Variants in GAREM1 observed in about 807,000 individuals in gnomAD.
The protein encoded by GAREM1 is GRB2-associated and regulator of MAPK protein 1.
In GAREM1, 26 loss-of-function variants were observed where a neutral mutation model predicts 71.3. The observed-to-expected ratio is 0.36, with a 90% confidence interval of 0.27 to 0.51. The LOEUF (loss-of-function observed/expected upper bound fraction) is 0.51, where lower values mean the gene tolerates loss of function less well. GAREM1 is among the 20% of genes least tolerant of loss of function. The pLI is 0.95. For synonymous variants in GAREM1, 440 were observed against 433.2 expected (o/e 1.02, Z -0.20); for missense variants, 1,026 against 1,103.1 (o/e 0.93, Z 0.99).
At chr18:32,315,650 G>C (rs2047371604) in intron 2 of GAREM1, among the ~76,000 whole-genome samples, 1 of 151,812 alleles carries the variant, frequency 6.6e-6, no homozygotes. Flanking sequence ...GCTCCATGTG[G>C]CTACTGGCTG....
At chr18:32,466,279 G>C (rs770472123) in intron 1 of GAREM1, among the ~76,000 whole-genome samples, 5 of 148,806 alleles carry the variant, frequency 3.4e-5, no homozygotes, top group Non-Finnish European at 7.4e-5. Flanking sequence ...AAGAGAAATG[G>C]AGTAAGAATT....
intron 1 of GAREM1, among the ~76,000 whole-genome samples, chr18:32,406,473 G>A (rs568989462): frequency 4.5e-4 from 68 of 152,320 alleles, no homozygotes; most frequent in African/African-American, 1.5e-3. Context: ...ATGACATGAT[G>A]AGTAAAGAAA....
In GAREM1 at chr18:32,287,303, C is replaced by G. The variant is rs535391600; in HGVS notation, c.1294G>C (p.Asp432His). ...PYQDSGDSGSDYLFPEASEES... is the reference protein window; with the variant it reads ...PYQDSGDSGSHYLFPEASEES... ...TCACTAGCTTCTGGGAAAAGGTAGTCGCTCCCACTATCTCCAGAGTCCTGA... is the reference window on the plus strand; with the variant it reads ...TCACTAGCTTCTGGGAAAAGGTAGTGGCTCCCACTATCTCCAGAGTCCTGA... The change falls in exon 4 of 6, where the codon GAC becomes CAC. Residue 432 changes from aspartate to histidine, a missense_variant. By Grantham distance (81) the Asp-to-His change is moderately conservative. This residue lies in a region of GAREM1 where 636 missense variants were observed against 631.2 expected (regional missense o/e 1.01). Transcript: ENST00000269209. The surrounding 1 kb of genome is among the most constrained non-coding windows in gnomAD (Gnocchi z 5.9). 2 of 1,614,036 alleles carry G rather than the reference C, an allele frequency of 1.2e-6. No individual in the cohort carries two copies. The highest frequency in any genetic ancestry group is 1.7e-6 in the Non-Finnish European group (2 of 1,180,054).
intron 1 of GAREM1, among the ~76,000 whole-genome samples, chr18:32,455,354 T>C (rs2048877410): frequency 2.6e-5 from 4 of 152,184 alleles, no homozygotes; most frequent in Admixed American, 2.0e-4. Flanking sequence ...TAGGTCATTA[T>C]GGGATTTCAA....
chr18:32,364,028 G>GTGTTTTTTTTTTTTTTTTT (rs2047903335), intron 2 of GAREM1, among the ~76,000 whole-genome samples: 1 of 21,674 alleles, frequency 4.6e-5, no homozygotes, highest in Non-Finnish European at 8.0e-5. Context: ...ATATATATAT[G>GTGTTTTTTTTTTTTTTTTT]TTTTTTTTTT....
intron 4 of GAREM1, among the ~76,000 whole-genome samples, chr18:32,275,133 C>G (rs1278672123): frequency 6.6e-6 from 1 of 152,112 alleles, no homozygotes; most frequent in Non-Finnish European, 1.5e-5. Flanking sequence ...TGACCACCAC[C>G]AACTCTACCA....
intron 4 of GAREM1, among the ~76,000 whole-genome samples, chr18:32,282,004 C>A (rs1189767862): frequency 6.6e-6 from 1 of 152,048 alleles, no homozygotes; most frequent in African/African-American, 2.4e-5. Context: ...TCAAAAAGCA[C>A]CCCCACTGAG....
chr18:32,418,809 T>A (rs1379339648), intron 1 of GAREM1, among the ~76,000 whole-genome samples: 2 of 152,174 alleles, frequency 1.3e-5, no homozygotes, highest in Non-Finnish European at 2.9e-5. Flanking sequence ...TGAGAGATGC[T>A]AACACTGCAA....
intron 2 of GAREM1, among the ~76,000 whole-genome samples, chr18:32,389,117 A>C (rs1183457064): frequency 3.3e-5 from 5 of 152,148 alleles, no homozygotes; most frequent in Admixed American, 2.0e-4. Context: ...GATACTAAAA[A>C]TGGGTAAAAC....
intron 2 of GAREM1, among the ~76,000 whole-genome samples, chr18:32,356,043 A>G (rs558675885): frequency 2.1e-4 from 32 of 152,336 alleles, no homozygotes; most frequent in Admixed American, 7.8e-4. Context: ...TCTTTCATTC[A>G]GGATTTCTAA....
intron 1 of GAREM1, among the ~76,000 whole-genome samples, chr18:32,451,368 C>T: frequency 6.6e-6 from 1 of 151,966 alleles, no homozygotes; most frequent in Admixed American, 6.6e-5. Context: ...ACAATAAACC[C>T]TTGCTGTTTT....
chr18:32,407,357 T>A (rs2048374782), intron 1 of GAREM1, among the ~76,000 whole-genome samples: 1 of 152,150 alleles, frequency 6.6e-6, no homozygotes, highest in Non-Finnish European at 1.5e-5. Context: ...GTGACAGTGG[T>A]TCTGAGTGGA....
intron 1 of GAREM1, among the ~76,000 whole-genome samples, chr18:32,394,914 C>T (rs566690223): frequency 6.6e-6 from 1 of 152,310 alleles, no homozygotes; most frequent in East Asian, 1.9e-4. Context: ...CCCTGCTGCA[C>T]AGAGTGGATG....
Position 32,287,188 on chromosome 18 carries a change from C to T in GAREM1, c.1409G>A (p.Arg470His), listed in dbSNP as rs766295476. 29 of 1,614,090 alleles carry T rather than the reference C, an allele frequency of 1.8e-5. No individual in the cohort carries two copies. The highest frequency in any genetic ancestry group is 3.3e-4 in the Middle Eastern group (2 of 6,082). ...EGKPSHQPLT[R>H]SLSEKNRCDQ... Reference sequence around the variant, plus strand: ...ACATCTGTTCTTCTCGCTCAGAGAGCGAGTGAGAGGCTGATGGCTGGGCTT... The same window carrying T: ...ACATCTGTTCTTCTCGCTCAGAGAGTGAGTGAGAGGCTGATGGCTGGGCTT... The change falls in exon 4 of 6, where the codon CGC becomes CAC. Residue 470 changes from arginine to histidine, a missense_variant. Around this residue, in one of 3 missense-constraint regions of GAREM1, gnomAD observed 636 missense variants for 631.2 expected, o/e 1.01. Coordinates refer to ENST00000269209, the MANE Select transcript of GAREM1 (RefSeq NM_001242409.2). The surrounding 1 kb of genome is among the most constrained non-coding windows in gnomAD (Gnocchi z 5.9).
chr18:32,446,599 A>T (rs2048788373), intron 1 of GAREM1, among the ~76,000 whole-genome samples: 1 of 152,214 alleles, frequency 6.6e-6, no homozygotes, highest in South Asian at 2.1e-4. Context: ...ATTGGAAATG[A>T]AATCCGTATC....
chr18:32,450,264 T>C (rs2144291117), intron 1 of GAREM1, among the ~76,000 whole-genome samples: 1 of 152,318 alleles, frequency 6.6e-6, no homozygotes, highest in African/African-American at 2.4e-5. Context: ...GATTAGAAAA[T>C]TGGCTGAAAT....
intron 2 of GAREM1, among the ~76,000 whole-genome samples, chr18:32,388,373 A>G (rs11665150): frequency 0.2 from 30,887 of 152,194 alleles, 3,871 homozygotes; most frequent in African/African-American, 0.35. Flanking sequence ...TAGTAAAAAC[A>G]GAATCAGACA....
intron 4 of GAREM1, among the ~76,000 whole-genome samples, chr18:32,282,284 G>GA (rs1381680796): frequency 2.0e-5 from 3 of 152,296 alleles, no homozygotes; most frequent in African/African-American, 4.8e-5. Flanking sequence ...AACTTAGCCA[G>GA]GCGTGGTGGC....
At chr18:32,448,739 T>C (rs1452653852) in intron 1 of GAREM1, among the ~76,000 whole-genome samples, 1 of 152,138 alleles carries the variant, frequency 6.6e-6, no homozygotes, top group East Asian at 1.9e-4. Context: ...GAAGGAAAAA[T>C]GCAAACAGTT....
Sources: allele counts gnomAD v4.1 joint callset (sites outside exome capture counted in the v4.1 genomes callset), GRCh38; gene constraint gnomAD v4.1.1; regional missense constraint gnomAD v4.1.1; non-coding constraint Gnocchi (gnomAD v3.1); transcripts MANE v1.5; gene names NCBI Gene and HGNC (gene_info 2026-07-23, HGNC 2026-07-21).